The following PDE1A variants were observed in gnomAD, a reference collection of about 807,000 sequenced individuals.
PDE1A encodes phosphodiesterase 1A.
In PDE1A, 35 loss-of-function variants were observed where a neutral mutation model predicts 61.7. The ratio of observed to expected loss-of-function variants is 0.57; its 90% CI spans 0.43 to 0.75. The LOEUF is 0.75. Among genes scored for constraint, PDE1A ranks in the 30% least tolerant of loss-of-function variants. PDE1A has a pLI of 0.00. For missense variants in PDE1A, 597 were observed against 630.6 expected (o/e 0.95, Z 0.57); for synonymous variants, 232 against 213.2 (o/e 1.09, Z -0.77).
the PDE1A span, among the ~76,000 whole-genome samples, chr2:182,679,285 G>A: frequency 1.3e-5 from 2 of 150,446 alleles, no homozygotes; most frequent in Non-Finnish European, 3.0e-5. Flanking sequence ...CCGGGTTAAC[G>A]TCATTCTCCA....
the PDE1A span, among the ~76,000 whole-genome samples, chr2:182,583,615 C>T: frequency 5.3e-5 from 8 of 152,236 alleles, no homozygotes; most frequent in South Asian, 1.7e-3. Flanking sequence ...ACTCTCCAGC[C>T]CTTTGTTTTG....
At chr2:182,679,487 C>T in the PDE1A span, among the ~76,000 whole-genome samples, 1 of 151,752 alleles carries the variant, frequency 6.6e-6, no homozygotes, top group Admixed American at 6.6e-5. Context: ...AGGCGTGAGC[C>T]ACCGCACCGG....
At chr2:182,158,438 G>T (rs1691211038) in intron 13 of PDE1A, among the ~76,000 whole-genome samples, 1 of 152,118 alleles carries the variant, frequency 6.6e-6, no homozygotes, top group African/African-American at 2.4e-5. Flanking sequence ...TTTATTTGAT[G>T]AAGTTTTTGT....
At chr2:182,343,212 TA>T (rs1698309372) in intron 1 of PDE1A, among the ~76,000 whole-genome samples, 1 of 152,208 alleles carries the variant, frequency 6.6e-6, no homozygotes, top group South Asian at 2.1e-4. Flanking sequence ...AATTCAGGTA[TA>T]GTCACAGTTC....
chr2:182,450,986 T>C (rs1025148904), intron 2 of PDE1A, among the ~76,000 whole-genome samples: 7 of 152,138 alleles, frequency 4.6e-5, no homozygotes, highest in Admixed American at 2.0e-4. Context: ...TATTCTGTAA[T>C]TCCCATTGAA....
At chr2:182,552,848 A>T in the PDE1A span, among the ~76,000 whole-genome samples, 1 of 152,106 alleles carries the variant, frequency 6.6e-6, no homozygotes, top group African/African-American at 2.4e-5. Flanking sequence ...AAATCTTGCA[A>T]CTGCACTCTT....
intron 2 of PDE1A, among the ~76,000 whole-genome samples, chr2:182,512,308 G>T (rs550136812): frequency 6.6e-6 from 1 of 152,140 alleles, no homozygotes; most frequent in African/African-American, 2.4e-5. Flanking sequence ...CCAGGCCCCA[G>T]TATTAGAGCA....
intron 2 of PDE1A, among the ~76,000 whole-genome samples, chr2:182,252,508 GAGTAAAGTTT>G: frequency 7.7e-5 from 1 of 12,914 alleles, no homozygotes; most frequent in Non-Finnish European, 1.3e-4. Context: ...TGATAAGTCA[GAGTAAAGTTT>G]CCAGAGTAAA....
At chr2:182,573,838 GATAT>G in the PDE1A span, among the ~76,000 whole-genome samples, 2 of 140,294 alleles carry the variant, frequency 1.4e-5, no homozygotes, top group African/African-American at 5.5e-5. Flanking sequence ...GACAGAATAG[GATAT>G]ATATATTTAT....
chr2:182,652,671 C>G, the PDE1A span, among the ~76,000 whole-genome samples: 2 of 152,172 alleles, frequency 1.3e-5, no homozygotes, highest in African/African-American at 4.8e-5. Flanking sequence ...CAATTCATCA[C>G]TGAGTGTTCA....
At chr2:182,150,098 A>G (rs1690697914) in intron 13 of PDE1A, among the ~76,000 whole-genome samples, 1 of 152,188 alleles carries the variant, frequency 6.6e-6, no homozygotes, top group Non-Finnish European at 1.5e-5. Flanking sequence ...TACACTAAAT[A>G]TAAGTGTATA....
At chr2:182,384,488 T>TAATAATAAA (rs1553606062) in intron 1 of PDE1A, among the ~76,000 whole-genome samples, 4 of 143,810 alleles carry the variant, frequency 2.8e-5, no homozygotes, top group South Asian at 2.2e-4. Flanking sequence ...ATAATAATAA[T>TAATAATAAA]AAAATAGAAA....
chr2:182,178,830 A>C (rs1684508743), intron 13 of PDE1A, among the ~76,000 whole-genome samples: 1 of 152,046 alleles, frequency 6.6e-6, no homozygotes, highest in Non-Finnish European at 1.5e-5. Flanking sequence ...TGGCAAGCAA[A>C]GATGTGGGGG....
At chr2:182,477,096 C>T (rs570550788) in intron 2 of PDE1A, among the ~76,000 whole-genome samples, 16 of 151,858 alleles carry the variant, frequency 1.1e-4, no homozygotes, top group Admixed American at 2.0e-4. Flanking sequence ...CATAATAATT[C>T]GTAAGTCAAA....
At chr2:182,430,847 T>C (rs1703902483), upstream of PDE1A, among the ~76,000 whole-genome samples, 2 of 121,334 alleles carry the variant, frequency 1.6e-5, no homozygotes, top group South Asian at 6.4e-4. Flanking sequence ...CTCAGTAAAC[T>C]ATCGCAAGAA....
At chr2:182,478,134 TTG>T (rs1458805593) in intron 2 of PDE1A, among the ~76,000 whole-genome samples, 1 of 151,902 alleles carries the variant, frequency 6.6e-6, no homozygotes, top group Non-Finnish European at 1.5e-5. Context: ...TAAACTTTTT[TTG>T]TTTCTTTGAT....
At chr2:182,678,769 T>C in the PDE1A span, among the ~76,000 whole-genome samples, 1 of 151,968 alleles carries the variant, frequency 6.6e-6, no homozygotes, top group Non-Finnish European at 1.5e-5. Flanking sequence ...CAAGTAGAGA[T>C]TAGAGTAGTG....
At chr2:182,694,110 A>G in the PDE1A span, among the ~76,000 whole-genome samples, 1 of 152,158 alleles carries the variant, frequency 6.6e-6, no homozygotes, top group Non-Finnish European at 1.5e-5. Flanking sequence ...TTCTTCTTAG[A>G]TAGATATATT....
chr2:182,703,507 C>A, the PDE1A span, among the ~76,000 whole-genome samples: 7 of 152,128 alleles, frequency 4.6e-5, no homozygotes, highest in African/African-American at 1.7e-4. Flanking sequence ...ATTTATGCCT[C>A]CACTCTACAA....
Sources: allele counts gnomAD v4.1 joint callset (sites outside exome capture counted in the v4.1 genomes callset), GRCh38; gene constraint gnomAD v4.1.1; transcripts MANE v1.5; gene names NCBI Gene and HGNC (gene_info 2026-07-23, HGNC 2026-07-21).